Variants in FASTKD2 observed in about 807,000 individuals in gnomAD.
FASTKD2 encodes FAST kinase domains 2, also known as FAST kinase domain-containing protein 2, mitochondrial.
Under a neutral mutation model 63.6 loss-of-function variants are expected in FASTKD2, and 51 were observed. The ratio of observed to expected loss-of-function variants is 0.80; its 90% CI spans 0.64 to 1.01. The LOEUF (loss-of-function observed/expected upper bound fraction) is 1.01. Ranked by LOEUF, FASTKD2 falls within the 50% of genes least tolerant of loss-of-function variation. The pLI is 0.00. For synonymous variants in FASTKD2, 284 were observed against 293.4 expected (o/e 0.97, Z 0.33); for missense variants, 786 against 831.1 (o/e 0.95, Z 0.67).
intron 7 of FASTKD2, among the ~76,000 whole-genome samples, chr2:206,776,178 CAAG>C (rs1689819991): frequency 6.6e-6 from 1 of 151,166 alleles, no homozygotes; most frequent in African/African-American, 2.4e-5. Context: ...GCAATCCTGA[CAAG>C]AAAACTTAAA....
chr2:206,790,657 T>G lies in FASTKD2; in HGVS notation c.1984T>G (p.Leu662Val). Residue 662 changes from leucine to valine, a missense_variant, in exon 11 of 12, where the codon TTG becomes GTG. Transcript: ENST00000402774. ...ATTCCTTGCTATGAAAATGCGGCAT[T>G]TGAATGCAATGGGTTTTCATGTGAT... is the stretch of plus-strand genomic sequence containing the variant. ...RGFLAMKMRH[L>V]NAMGFHVILV... is the part of the protein sequence containing the mutation. 6.2e-7 allele frequency: 1 copy of G among 1,610,030 alleles called. No individual in the cohort carries two copies. Among genetic ancestry groups the G allele is most frequent in the Non-Finnish European group, 8.5e-7 (1 of 1,176,306 alleles).
At chr2:206,770,560 T>C (rs368852764) in intron 3 of FASTKD2, among the ~76,000 whole-genome samples, 131 of 151,938 alleles carry the variant, frequency 8.6e-4, no homozygotes, top group African/African-American at 2.7e-3. Context: ...TGAAAGCCCG[T>C]CTCTACTAAA....
At chr2:206,771,148 C>G (rs376799842) in intron 3 of FASTKD2, 34 bp from the exon 4 acceptor site, 7 of 1,259,678 alleles carry the variant, frequency 5.6e-6, no homozygotes, top group Non-Finnish European at 8.1e-6. Flanking sequence ...TTTGAAGATT[C>G]TATGATTTTA....
Position 206,791,991 on chromosome 2 carries a change from C to T in FASTKD2, c.*189C>T. 1.7e-6 allele frequency: 1 copy of T among 602,524 alleles called. No homozygotes were observed. The highest frequency in any genetic ancestry group is 2.9e-6 in the Non-Finnish European group (1 of 343,750). The allele number at this position is 602,524 out of a possible 1,614,324, so 37.3% of individuals were successfully genotyped here. ...ATTTAAAAATATGCTGAGAAAATTCCAGAAGGGTTATTTTTCCAACCACAC... is the reference window on the plus strand; with the variant it reads ...ATTTAAAAATATGCTGAGAAAATTCTAGAAGGGTTATTTTTCCAACCACAC... On this transcript the variant is annotated 3_prime_UTR_variant, in exon 12 of 12. Coordinates refer to ENST00000402774, the MANE Select transcript of FASTKD2 (RefSeq NM_001136193.2).
chr2:206,780,106 ATTC>A (rs1201342755), intron 7 of FASTKD2, among the ~76,000 whole-genome samples: 1 of 150,840 alleles, frequency 6.6e-6, no homozygotes, highest in Non-Finnish European at 1.5e-5. Flanking sequence ...AGTTACAGTT[ATTC>A]TTGATAGTTT....
At chr2:206,768,501 G>A (rs904336174) in intron 2 of FASTKD2, among the ~76,000 whole-genome samples, 11 of 152,232 alleles carry the variant, frequency 7.2e-5, no homozygotes, top group African/African-American at 2.2e-4. Context: ...AGGAGTTTGC[G>A]ACCAGCCTGG....
At chr2:206,774,062 T>G in intron 6 of FASTKD2, among the ~76,000 whole-genome samples, 163 bp from the exon 7 acceptor site, 1 of 152,114 alleles carries the variant, frequency 6.6e-6, no homozygotes, top group East Asian at 1.9e-4. Flanking sequence ...ACAGATTTTG[T>G]GAGAGAAAGA....
intron 6 of FASTKD2, among the ~76,000 whole-genome samples, chr2:206,773,922 T>A (rs1689753357): frequency 6.6e-6 from 1 of 152,154 alleles, no homozygotes; most frequent in Non-Finnish European, 1.5e-5. Context: ...TTCAGATATG[T>A]TGTATGAAAA....
intron 1 of FASTKD2, 39 bp from the exon 2 acceptor site, chr2:206,766,605 T>G (rs1185933820): frequency 8.6e-6 from 10 of 1,166,644 alleles, no homozygotes; most frequent in Non-Finnish European, 1.3e-5. Flanking sequence ...AAAAGTTTTG[T>G]TTTAATTTTT....
In FASTKD2 at chr2:206,793,147, G is replaced by A. The variant is rs530276798; in HGVS notation, c.*1345G>A. 2.4e-3 allele frequency among the ~76,000 whole-genome samples: 353 copies of A among 148,226 alleles called. 2 individuals are homozygous for A. Among genetic ancestry groups the A allele is most frequent in the South Asian group, 9.0e-3 (42 of 4,686 alleles). On this transcript the variant is annotated 3_prime_UTR_variant, in exon 12 of 12. Coordinates refer to ENST00000402774, the MANE Select transcript of FASTKD2 (RefSeq NM_001136193.2). Reference sequence around the variant, plus strand: ...TGAGGCAGGGGAATCGCTTGAACCCGGGAGGTGGAGATTGCAGTGAGCCAA... The same window carrying A: ...TGAGGCAGGGGAATCGCTTGAACCCAGGAGGTGGAGATTGCAGTGAGCCAA...
intron 7 of FASTKD2, among the ~76,000 whole-genome samples, chr2:206,779,330 C>G (rs1049849463): frequency 6.6e-6 from 1 of 151,730 alleles, no homozygotes; most frequent in Admixed American, 6.6e-5. Context: ...TTTTTTTAAT[C>G]CATTCAGCCA....
intron 7 of FASTKD2, among the ~76,000 whole-genome samples, chr2:206,782,122 G>A (rs1277135238): frequency 6.6e-6 from 1 of 152,110 alleles, no homozygotes; most frequent in Non-Finnish European, 1.5e-5. Context: ...CGTGAGTTTA[G>A]ACAGAAATCC....
chr2:206,772,797 A>G (rs576496641), intron 6 of FASTKD2, among the ~76,000 whole-genome samples: 46 of 152,300 alleles, frequency 3.0e-4, no homozygotes, highest in Admixed American at 7.8e-4. Flanking sequence ...TTGCCCAACT[A>G]TAGGTGAATG....
intron 5 of FASTKD2, 82 bp downstream of exon 5, chr2:206,772,099 T>C: frequency 1.9e-6 from 3 of 1,597,336 alleles, no homozygotes; most frequent in Non-Finnish European, 2.6e-6. Context: ...AAAACTTTGC[T>C]TTTATATGAA....
intron 2 of FASTKD2, among the ~76,000 whole-genome samples, chr2:206,769,756 A>C (rs747361681): frequency 3.3e-5 from 5 of 152,240 alleles, no homozygotes; most frequent in Non-Finnish European, 7.3e-5. Context: ...TTGCCTTTGT[A>C]ATGACCTTGA....
chr2:206,777,589 C>A (rs1689857000), intron 7 of FASTKD2, among the ~76,000 whole-genome samples: 1 of 152,052 alleles, frequency 6.6e-6, no homozygotes, highest in Non-Finnish European at 1.5e-5. Context: ...CATCTGTGTT[C>A]ATCAGGGATA....
Position 206,793,237 on chromosome 2 carries a change from A to AC in FASTKD2, c.*1435_*1436insC, listed in dbSNP as rs1690342581. 6.7e-5 allele frequency among the ~76,000 whole-genome samples: 10 copies of AC among 148,838 alleles called. No homozygotes were observed. Among genetic ancestry groups the AC allele is most frequent in the South Asian group, 2.1e-4 (1 of 4,718 alleles). ...CTCTGTCTCAAAAAAAAAAAAAAAA[A>AC]AAAAAAAAAAAAAATACAAAAACTA... On this transcript the variant is annotated 3_prime_UTR_variant, in exon 12 of 12. Transcript: ENST00000402774.
rs1186492071 is a variant in FASTKD2, at chr2:206,794,689, A to C, written c.*2887A>C. 6.6e-6 allele frequency among the ~76,000 whole-genome samples: 1 copy of C among 152,240 alleles called. No homozygotes were observed. The highest frequency in any genetic ancestry group is 1.5e-5 in the Non-Finnish European group (1 of 68,046). ...TGAAAATTTCATATATACATAGCCT[A>C]ACAACTCTTCTTGTCATTGACAAAA... On this transcript the variant is annotated 3_prime_UTR_variant, in exon 12 of 12. Transcript: ENST00000402774.
intron 5 of FASTKD2, 36 bp from the exon 6 acceptor site, chr2:206,772,145 G>A (rs1284427956): frequency 6.3e-7 from 1 of 1,596,610 alleles, no homozygotes; most frequent in Non-Finnish European, 8.6e-7. Context: ...AAACAATCAG[G>A]TAATTTTTGT....
Sources: allele counts gnomAD v4.1 joint callset (sites outside exome capture counted in the v4.1 genomes callset), GRCh38; gene constraint gnomAD v4.1.1; transcripts MANE v1.5; gene names NCBI Gene and HGNC (gene_info 2026-07-23, HGNC 2026-07-21).